Variants in NALF1 observed in about 807,000 individuals in gnomAD.
The protein encoded by NALF1 is NALCN channel auxiliary factor 1, also known as family with sequence similarity 155 member A.
In NALF1, 3 loss-of-function variants were observed where a neutral mutation model predicts 48.4. The ratio of observed to expected loss-of-function variants is 0.06; its 90% CI spans 0.03 to 0.16. The LOEUF is 0.16. NALF1 is among the 10% of genes least tolerant of loss of function. NALF1 has a pLI of 1.00. For synonymous variants in NALF1, 262 were observed against 245.7 expected, an observed-to-expected ratio of 1.07 and a Z score of -0.62; for missense variants, 526 against 571.5, an observed-to-expected ratio of 0.92 and a Z score of 0.81.
At chr13:107,369,316 T>G (rs1030805822) in intron 1 of NALF1, among the ~76,000 whole-genome samples, 1 of 152,178 alleles carries the variant, frequency 6.6e-6, no homozygotes, top group Admixed American at 6.5e-5. Context: ...TCTTTCCTTA[T>G]TACAAGGAAA....
intron 1 of NALF1, among the ~76,000 whole-genome samples, chr13:107,489,551 G>A (rs1335817747): frequency 6.6e-6 from 1 of 152,080 alleles, no homozygotes; most frequent in Admixed American, 6.5e-5. Context: ...ATGATGCTGG[G>A]ATAACTGGCT....
intron 1 of NALF1, among the ~76,000 whole-genome samples, chr13:107,836,784 T>C (rs913289834): frequency 6.6e-6 from 1 of 152,184 alleles, no homozygotes; most frequent in Non-Finnish European, 1.5e-5. Flanking sequence ...ATAATTTAAG[T>C]GAAAATCTTT....
chr13:107,754,003 T>A (rs754101385), intron 1 of NALF1, among the ~76,000 whole-genome samples: 10 of 152,042 alleles, frequency 6.6e-5, no homozygotes, highest in Non-Finnish European at 8.8e-5. Context: ...AAAACAGAGG[T>A]CACATAGAAG....
intron 1 of NALF1, among the ~76,000 whole-genome samples, chr13:107,817,686 G>A (rs1879207801): frequency 6.6e-6 from 1 of 152,112 alleles, no homozygotes; most frequent in Non-Finnish European, 1.5e-5. Context: ...AAGGACTCCT[G>A]CTCAAATATG....
intron 1 of NALF1, among the ~76,000 whole-genome samples, chr13:107,757,995 C>T (rs966290590): frequency 6.6e-6 from 1 of 152,126 alleles, no homozygotes; most frequent in Non-Finnish European, 1.5e-5. Context: ...ATGGGAGAGA[C>T]AGATTATCTC....
chr13:107,395,613 G>A (rs1883699433), intron 1 of NALF1, among the ~76,000 whole-genome samples: 1 of 152,098 alleles, frequency 6.6e-6, no homozygotes, highest in Non-Finnish European at 1.5e-5. Flanking sequence ...AGTTCTCTCT[G>A]AAACTGCATT....
intron 1 of NALF1, among the ~76,000 whole-genome samples, chr13:107,600,624 C>A (rs990216510): frequency 1.3e-5 from 2 of 152,016 alleles, no homozygotes; most frequent in African/African-American, 4.8e-5. Context: ...TGGTCGGTGC[C>A]TGTTGGATGC....
chr13:107,701,224 G>A (rs1881809823), intron 1 of NALF1, among the ~76,000 whole-genome samples: 1 of 152,046 alleles, frequency 6.6e-6, no homozygotes, highest in African/African-American at 2.4e-5. Flanking sequence ...GCCAAAATAT[G>A]GAAACAACCT....
intron 1 of NALF1, chr13:107,466,817 T>C (rs1411309137): frequency 2.0e-5 from 3 of 152,086 alleles, no homozygotes; most frequent in Admixed American, 6.5e-5. Context: ...TTCTGGAGAA[T>C]TTCTTGTAAA....
At chr13:107,811,651 A>G (rs1015558151) in intron 1 of NALF1, among the ~76,000 whole-genome samples, 5 of 152,178 alleles carry the variant, frequency 3.3e-5, no homozygotes, top group African/African-American at 1.2e-4. Flanking sequence ...TTCTGCTGCT[A>G]TAGCAGAATG....
intron 1 of NALF1, among the ~76,000 whole-genome samples, chr13:107,429,320 CT>C (rs1884334755): frequency 7.7e-6 from 1 of 130,260 alleles, no homozygotes; most frequent in African/African-American, 2.8e-5. Flanking sequence ...AAAACTCAGT[CT>C]GAAAAAAAAA....
intron 1 of NALF1, among the ~76,000 whole-genome samples, chr13:107,596,075 G>A (rs892719500): frequency 2.6e-5 from 4 of 152,310 alleles, no homozygotes; most frequent in Non-Finnish European, 4.4e-5. Context: ...GCAATGGAGA[G>A]AAAATTATCT....
At chr13:107,403,286 A>G (rs1346610648) in intron 1 of NALF1, among the ~76,000 whole-genome samples, 1 of 138,402 alleles carries the variant, frequency 7.2e-6, no homozygotes, top group Non-Finnish European at 1.5e-5. Flanking sequence ...TCAAAATACA[A>G]TTTCTAGTTC....
In NALF1 at chr13:107,867,446, C is replaced by T. The variant is rs1322328001; in HGVS notation, c.-850G>A. 5.4e-5 allele frequency among the ~76,000 whole-genome samples: 8 copies of T among 149,370 alleles called. No homozygotes were observed. The highest frequency in any genetic ancestry group is 7.5e-5 in the Non-Finnish European group (5 of 67,102). ...GCCTCCCGAGAGCCACAGTCATCTT[C>T]AGTCCGCGGGCTAAGTTGCCGCCAT... On this transcript the variant is annotated 5_prime_UTR_variant, in exon 1 of 3. Transcript: ENST00000375915. This position sits in a 1 kb window ranked among gnomAD's most constrained non-coding sequence, Gnocchi z 4.4.
intron 1 of NALF1, among the ~76,000 whole-genome samples, chr13:107,358,145 T>C (rs537740240): frequency 1.3e-5 from 2 of 151,080 alleles, no homozygotes; most frequent in Non-Finnish European, 3.0e-5. Context: ...TGCATGTTTA[T>C]ACCTATTTTA....
chr13:107,187,412 C>T (rs1879198001), intron 2 of NALF1, among the ~76,000 whole-genome samples: 1 of 151,960 alleles, frequency 6.6e-6, no homozygotes, highest in Non-Finnish European at 1.5e-5. Context: ...ACTCTTCTCT[C>T]ATCACCTTTA....
intron 1 of NALF1, among the ~76,000 whole-genome samples, chr13:107,257,970 T>C (rs1023028478): frequency 6.6e-6 from 1 of 152,330 alleles, no homozygotes; most frequent in African/African-American, 2.4e-5. Context: ...AGGCTTCTGT[T>C]GCAATTAATA....
chr13:107,529,385 G>C (rs1373099674), intron 1 of NALF1, among the ~76,000 whole-genome samples: 1 of 152,330 alleles, frequency 6.6e-6, no homozygotes, highest in East Asian at 1.9e-4. Flanking sequence ...TAGGCAGTCA[G>C]GAAAGAGAAT....
intron 1 of NALF1, among the ~76,000 whole-genome samples, chr13:107,419,090 T>G (rs1438067746): frequency 1.3e-5 from 2 of 152,240 alleles, no homozygotes; most frequent in Admixed American, 1.3e-4. Flanking sequence ...AGAGGTTAAC[T>G]GGCCTCACAT....
Sources: gnomAD v4.1 joint callset for allele counts (sites outside exome capture counted in the v4.1 genomes callset) on GRCh38, gnomAD v4.1.1 for gene constraint, Gnocchi (gnomAD v3.1) non-coding constraint, MANE v1.5 for transcripts, NCBI Gene and HGNC (gene_info 2026-07-23, HGNC 2026-07-21) for gene names.